Variants in RARB observed in about 807,000 individuals in gnomAD.
RARB encodes HBV-activated protein.
A neutral mutation model predicts 51.9 loss-of-function variants in RARB; 17 were observed. The observed-to-expected ratio is 0.33, with a 90% CI of 0.22 to 0.49. RARB has a LOEUF of 0.49. Among genes scored for constraint, RARB ranks in the 20% least tolerant of loss-of-function variants. RARB has a pLI of 0.99. For synonymous variants in RARB, 215 were observed against 195.4 expected, an observed-to-expected ratio of 1.10 and a Z score of -0.84; for missense variants, 369 against 550.8, an observed-to-expected ratio of 0.67 and a Z score of 3.30.
At chr3:24,947,839 A>T (rs1311256725) in intron 2 of RARB, among the ~76,000 whole-genome samples, 1 of 152,116 alleles carries the variant, frequency 6.6e-6, no homozygotes, top group Non-Finnish European at 1.5e-5. Flanking sequence ...CTCTGGCCCA[A>T]TTATTTAGAA....
intron 3 of RARB, among the ~76,000 whole-genome samples, chr3:25,519,973 T>C (rs1026055939): frequency 2.0e-5 from 3 of 152,212 alleles, no homozygotes; most frequent in Non-Finnish European, 1.5e-5. Flanking sequence ...TTCACCTCAG[T>C]GTAAAAGACC....
intron 3 of RARB, among the ~76,000 whole-genome samples, chr3:25,551,111 A>T (rs1559463331): frequency 6.6e-6 from 1 of 152,154 alleles, no homozygotes; most frequent in Non-Finnish European, 1.5e-5. Flanking sequence ...CTTGAAGGGC[A>T]GGGTCTTAGC....
chr3:25,455,952 G>C (rs867028688), intron 1 of RARB, among the ~76,000 whole-genome samples: 3 of 152,190 alleles, frequency 2.0e-5, no homozygotes, highest in African/African-American at 7.2e-5. Flanking sequence ...ATCACATCAG[G>C]ATGGCTGCAG....
rs66976672 is a variant in RARB at position 24,877,346 on chromosome 3, C to CTTTTTTTTTTTTTTTTTTTTTTTT, written c.-380+18611_-380+18612insTTTTTTTTTTTTTTTTTTTTTTTT. The stretch of plus-strand genomic sequence containing the variant: ...ATAGTAATTTTTTAAAGCAATCTTA[C>CTTTTTTTTTTTTTTTTTTTTTTTT]TTTTTTTTTTTTTTTTTGGAAAATT... On this transcript the variant is annotated intron_variant, in intron 2 of 11. Coordinates refer to the RARB transcript ENST00000383772. 1.9e-3 allele frequency among the ~76,000 whole-genome samples: 157 copies of CTTTTTTTTTTTTTTTTTTTTTTTT among 81,880 alleles called. 33 individuals carry two copies. The highest frequency in any genetic ancestry group is 6.5e-3 in the East Asian group (16 of 2,458). 53.7% of individuals were successfully genotyped at this position (81,880 alleles called of 152,430 possible). A position where few individuals can be genotyped will look rare whatever the true frequency, so the allele number is the denominator to read the frequency against.
intron 5 of RARB, among the ~76,000 whole-genome samples, chr3:25,262,492 G>A (rs531423810): frequency 8.5e-5 from 13 of 152,294 alleles, no homozygotes; most frequent in South Asian, 2.1e-4. Context: ...AGCAGGGCTC[G>A]TTCCTTTCTG....
chr3:24,895,804 C>T (rs1703466588), intron 2 of RARB, among the ~76,000 whole-genome samples: 1 of 152,076 alleles, frequency 6.6e-6, no homozygotes, highest in South Asian at 2.1e-4. Context: ...TGGTGGAAAA[C>T]AGGGCAGTTC....
intron 5 of RARB, among the ~76,000 whole-genome samples, chr3:25,305,568 T>C (rs1425638293): frequency 2.0e-5 from 3 of 152,162 alleles, no homozygotes; most frequent in Admixed American, 1.3e-4. Context: ...AAATGAATTG[T>C]GGTCTTGCCC....
intron 3 of RARB, among the ~76,000 whole-genome samples, chr3:25,567,973 G>A (rs1382365753): frequency 1.3e-5 from 2 of 151,980 alleles, no homozygotes; most frequent in African/African-American, 4.8e-5. Context: ...TGTCTCCTTT[G>A]CCCGCCGGCT....
At chr3:25,474,509 T>G (rs574292900) in intron 2 of RARB, among the ~76,000 whole-genome samples, 37 of 152,334 alleles carry the variant, frequency 2.4e-4, no homozygotes, top group African/African-American at 8.7e-4. Context: ...TGTTAGGTGT[T>G]CCTTCAGCTG....
intron 4 of RARB, among the ~76,000 whole-genome samples, chr3:25,163,504 A>AAAAAAAAAAAAAAAATATATATAT (rs1303712411): frequency 7.6e-6 from 1 of 131,118 alleles, no homozygotes; most frequent in African/African-American, 3.2e-5. Flanking sequence ...CCTATCTCAA[A>AAAAAAAAAAAAAAAATATATATAT]ATATATATAT....
In RARB at chr3:25,036,223, G is replaced by A. The variant is rs17015649; in HGVS notation, c.-379-23902G>A. On this transcript the variant is annotated intron_variant, in intron 2 of 11. Coordinates refer to the RARB transcript ENST00000383772. ...TACTATGAAACAAGAACCTCCTTGC[G>A]GCAGTTGTATGAGATAGACATCTTT... Among the ~76,000 whole-genome samples, 616 of 152,196 alleles carry A rather than the reference G, an allele frequency of 4.0e-3. 4 individuals carry two copies. The highest frequency in any genetic ancestry group is 0.013 in the African/African-American group (541 of 41,532).
At chr3:24,832,653 T>TATATATATATATATATATATATATATATA (rs1169669449) in intron 1 of RARB, among the ~76,000 whole-genome samples, 1 of 63,400 alleles carries the variant, frequency 1.6e-5, no homozygotes, top group African/African-American at 1.0e-4. Flanking sequence ...ATATATATAA[T>TATATATATATATATATATATATATATATA]GTCAATTAAA....
intron 2 of RARB, among the ~76,000 whole-genome samples, chr3:24,938,012 C>T (rs1205309392): frequency 6.7e-5 from 10 of 149,018 alleles, no homozygotes; most frequent in Non-Finnish European, 1.2e-4. Context: ...GTCTCTGTAT[C>T]GATTGGAATG....
chr3:25,144,618 C>T (rs1700158577), intron 4 of RARB, among the ~76,000 whole-genome samples: 1 of 152,170 alleles, frequency 6.6e-6, no homozygotes, highest in African/African-American at 2.4e-5. Flanking sequence ...TGGCATAGTG[C>T]CAGGTGCTTA....
At chr3:24,904,559 T>C (rs896826840) in intron 2 of RARB, among the ~76,000 whole-genome samples, 2 of 152,212 alleles carry the variant, frequency 1.3e-5, no homozygotes, top group African/African-American at 4.8e-5. Context: ...TTTACACTGT[T>C]GGTGGAAGTG....
chr3:24,873,086 G>A (rs1410222774), intron 2 of RARB, among the ~76,000 whole-genome samples: 1 of 152,144 alleles, frequency 6.6e-6, no homozygotes, highest in Non-Finnish European at 1.5e-5. Flanking sequence ...TAAAAAGTGG[G>A]GCTATATTCC....
intron 1 of RARB, among the ~76,000 whole-genome samples, chr3:25,438,553 A>T (rs945003795): frequency 2.6e-5 from 4 of 152,204 alleles, no homozygotes; most frequent in Non-Finnish European, 5.9e-5. Context: ...TCACAACCCT[A>T]TAAGTGAGAT....
intron 5 of RARB, among the ~76,000 whole-genome samples, chr3:25,215,655 C>T (rs1377620841): frequency 1.3e-5 from 2 of 152,126 alleles, no homozygotes; most frequent in Admixed American, 1.3e-4. Context: ...GATCCTTTCT[C>T]TCGATGATGA....
intron 1 of RARB, among the ~76,000 whole-genome samples, chr3:25,456,759 C>G (rs1190368174): frequency 7.0e-6 from 1 of 141,884 alleles, no homozygotes; most frequent in African/African-American, 2.6e-5. Flanking sequence ...AAAATTTTTC[C>G]AAAGATGATT....
Sources: allele counts gnomAD v4.1 joint callset (sites outside exome capture counted in the v4.1 genomes callset), GRCh38; gene constraint gnomAD v4.1.1; transcripts MANE v1.5; gene names NCBI Gene and HGNC (gene_info 2026-07-23, HGNC 2026-07-21).